Variants in GMDS observed in about 807,000 individuals in gnomAD.
GMDS encodes the protein GDP-mannose 4,6 dehydratase.
A neutral mutation model predicts 49.9 loss-of-function variants in GMDS; 20 were observed. That is an observed-to-expected ratio of 0.40 (90% CI 0.28 to 0.58). GMDS has a LOEUF of 0.58. Among genes scored for constraint, GMDS ranks in the 20% least tolerant of loss-of-function variants. GMDS has a pLI of 0.42. For missense variants in GMDS, 362 were observed against 481.4 expected (o/e 0.75, Z 2.32); for synonymous variants, 177 against 178.6 (o/e 0.99, Z 0.07).
At chr6:1,946,362 T>G (rs924976923) in intron 6 of GMDS, among the ~76,000 whole-genome samples, 2 of 152,150 alleles carry the variant, frequency 1.3e-5, no homozygotes, top group Non-Finnish European at 2.9e-5. Flanking sequence ...GGAAAGTAAT[T>G]TCACTTCTCT....
chr6:1,848,712 A>G (rs145496781), intron 7 of GMDS, among the ~76,000 whole-genome samples: 1 of 152,160 alleles, frequency 6.6e-6, no homozygotes, highest in Non-Finnish European at 1.5e-5. Context: ...ATAGGGCTGG[A>G]CTTCATGGAG....
chr6:2,099,442 T>C (rs1773800000), intron 4 of GMDS, among the ~76,000 whole-genome samples: 1 of 152,116 alleles, frequency 6.6e-6, no homozygotes, highest in Admixed American at 6.5e-5. Flanking sequence ...CTGTAAATTA[T>C]AATAAATACC....
intron 7 of GMDS, among the ~76,000 whole-genome samples, chr6:1,889,081 T>C (rs1759751723): frequency 6.6e-6 from 1 of 152,188 alleles, no homozygotes; most frequent in African/African-American, 2.4e-5. Context: ...TATATTTTGC[T>C]GTATTGTTAT....
At position 1,698,956 on chromosome 6, in the gene GMDS, TG is replaced by T. The variant is rs1765445537; in HGVS notation, c.987+27459del. On this transcript the variant is annotated intron_variant, in intron 9 of 10. Transcript: ENST00000380815. ...AGACACTCACAACAAGCCACAGTCA[TG>T]GGGTGGTCAAAACTCCCAATCTCCA... Among the ~76,000 whole-genome samples the T allele has an allele frequency of 3.3e-5, 5 of 152,020 alleles. 1 individual carries two copies. Among genetic ancestry groups the T allele is most frequent in the Admixed American group, 3.3e-4 (5 of 15,274 alleles).
intron 7 of GMDS, among the ~76,000 whole-genome samples, chr6:1,854,884 T>C (rs1757876749): frequency 6.6e-6 from 1 of 152,194 alleles, no homozygotes; most frequent in Non-Finnish European, 1.5e-5. Context: ...AGATAATTAG[T>C]AAATGGAATG....
At chr6:2,153,037 C>A (rs1019848921) in intron 1 of GMDS, among the ~76,000 whole-genome samples, 7 of 151,776 alleles carry the variant, frequency 4.6e-5, no homozygotes, top group Admixed American at 4.6e-4. Context: ...CCAGCCTGGG[C>A]AAGAAAGCAA....
In GMDS at chr6:1,833,166, A is replaced by G. The variant is rs1170562744; in HGVS notation, c.772-90580T>C. Among the ~76,000 whole-genome samples, 1 of 143,090 alleles carries G rather than the reference A, an allele frequency of 7.0e-6. No individual in the cohort carries two copies. 93.9% of individuals were successfully genotyped at this position (143,090 alleles called of 152,430 possible). ...TTTTTTTTTAAACTAATGCACTGGA[A>G]GGGGGCAAAGGGTGGCATGGACCCT... On this transcript the variant is annotated intron_variant, in intron 7 of 10. Coordinates refer to ENST00000380815, the MANE Select transcript of GMDS (RefSeq NM_001500.4). The surrounding 1 kb of genome is among the most constrained non-coding windows in gnomAD (Gnocchi z 4.4).
At chr6:2,022,085 TAAC>T (rs979891486) in intron 4 of GMDS, among the ~76,000 whole-genome samples, 9 of 152,112 alleles carry the variant, frequency 5.9e-5, no homozygotes, top group Non-Finnish European at 2.9e-5. Context: ...TGCCTAAGCC[TAAC>T]AAGGCAACAG....
At chr6:2,047,028 T>C (rs1337269365) in intron 4 of GMDS, among the ~76,000 whole-genome samples, 2 of 152,192 alleles carry the variant, frequency 1.3e-5, no homozygotes, top group African/African-American at 4.8e-5. Context: ...AGCAGATTCA[T>C]ACACACAAAG....
intron 4 of GMDS, among the ~76,000 whole-genome samples, chr6:2,056,363 T>C (rs919613694): frequency 6.6e-6 from 1 of 152,172 alleles, no homozygotes; most frequent in Non-Finnish European, 1.5e-5. Flanking sequence ...CTCTTGCTAT[T>C]AGCCACTGCA....
At chr6:1,943,895 T>C (rs1762934431) in intron 6 of GMDS, among the ~76,000 whole-genome samples, 1 of 152,064 alleles carries the variant, frequency 6.6e-6, no homozygotes, top group South Asian at 2.1e-4. Context: ...ACAGAGAGAG[T>C]ATCAAATTCA....
chr6:2,206,384 G>A (rs1779808581), intron 1 of GMDS, among the ~76,000 whole-genome samples: 1 of 151,974 alleles, frequency 6.6e-6, no homozygotes, highest in South Asian at 2.1e-4. Flanking sequence ...AGACTCCAGG[G>A]GTGCCTCTGG....
At chr6:1,692,310 C>T (rs1765201811) in intron 9 of GMDS, among the ~76,000 whole-genome samples, 1 of 152,210 alleles carries the variant, frequency 6.6e-6, no homozygotes, top group South Asian at 2.1e-4. Flanking sequence ...GGTGGGACTT[C>T]ACCCTGTGAC....
chr6:1,814,379 AT>A, intron 7 of GMDS, among the ~76,000 whole-genome samples: 1 of 152,198 alleles, frequency 6.6e-6, no homozygotes, highest in Admixed American at 6.5e-5. Flanking sequence ...CTACTGGAAC[AT>A]TCTGATAAGT....
At chr6:1,982,627 T>C (rs1765286966) in intron 4 of GMDS, among the ~76,000 whole-genome samples, 1 of 151,888 alleles carries the variant, frequency 6.6e-6, no homozygotes, top group Non-Finnish European at 1.5e-5. Context: ...CCATTCACAA[T>C]TGCCACAAAA....
At chr6:1,939,538 CATATATACAT>C (rs145225208) in intron 6 of GMDS, among the ~76,000 whole-genome samples, 4,035 of 149,840 alleles carry the variant, frequency 0.027, 164 homozygotes, top group East Asian at 0.19. Context: ...TATATATACA[CATATATACAT>C]ATATATACAT....
At chr6:1,829,619 T>C (rs1431333941) in intron 7 of GMDS, among the ~76,000 whole-genome samples, 1 of 152,200 alleles carries the variant, frequency 6.6e-6, no homozygotes, top group Non-Finnish European at 1.5e-5. Flanking sequence ...CTAAAATGTT[T>C]TGCAGAGATG....
chr6:1,791,717 A>C (rs1482126214), intron 7 of GMDS, among the ~76,000 whole-genome samples: 1 of 152,216 alleles, frequency 6.6e-6, no homozygotes, highest in Non-Finnish European at 1.5e-5. Context: ...TGTTCCTAGA[A>C]TACAACGTGC....
chr6:1,727,256 A>C (rs1178015554), intron 8 of GMDS, among the ~76,000 whole-genome samples: 1 of 152,208 alleles, frequency 6.6e-6, no homozygotes, highest in Non-Finnish European at 1.5e-5. Context: ...GCGAGTCCTC[A>C]AGTCCACACT....
Sources: gnomAD v4.1 joint callset for allele counts (sites outside exome capture counted in the v4.1 genomes callset) on GRCh38, gnomAD v4.1.1 for gene constraint, Gnocchi (gnomAD v3.1) non-coding constraint, MANE v1.5 for transcripts, NCBI Gene and HGNC (gene_info 2026-07-23, HGNC 2026-07-21) for gene names.